Variants in HHAT observed in about 807,000 individuals in gnomAD.
HHAT encodes the protein hedgehog acyltransferase.
A neutral mutation model predicts 70.8 loss-of-function variants in HHAT; 47 were observed. The observed-to-expected ratio is 0.66, with a 90% CI of 0.53 to 0.85. The LOEUF (loss-of-function observed/expected upper bound fraction) is 0.85, where lower values mean the gene tolerates loss of function less well. Ranked by LOEUF, HHAT falls within the 40% of genes least tolerant of loss-of-function variation. The pLI is 0.00. For missense variants in HHAT, 609 were observed against 604.8 expected (o/e 1.01, Z -0.07); for synonymous variants, 228 against 247.6 (o/e 0.92, Z 0.74).
intron 11 of HHAT, among the ~76,000 whole-genome samples, chr1:210,659,612 C>T (rs556041164): frequency 6.6e-6 from 1 of 152,078 alleles, no homozygotes; most frequent in African/African-American, 2.4e-5. Context: ...AGAGACACAA[C>T]AAAAAAAGAG....
chr1:210,508,433 A>G (rs1281010970), intron 8 of HHAT, among the ~76,000 whole-genome samples: 1 of 152,218 alleles, frequency 6.6e-6, no homozygotes, highest in Non-Finnish European at 1.5e-5. Flanking sequence ...TTATTAAGTA[A>G]TGATGAAATA....
rs529959086 is a variant in HHAT, at chr1:210,627,098, A to C, written c.1390+3428A>C. ...AGGGAAAGGTGGCCCTTCCCTCTGCACCTTGATGGGTTGGGACCTGCTGCA... is the reference window on the plus strand; with the variant it reads ...AGGGAAAGGTGGCCCTTCCCTCTGCCCCTTGATGGGTTGGGACCTGCTGCA... On this transcript the variant is annotated intron_variant, in intron 11 of 11. Coordinates refer to ENST00000261458, the MANE Select transcript of HHAT (RefSeq NM_018194.6). 3.9e-5 allele frequency among the ~76,000 whole-genome samples: 6 copies of C among 152,264 alleles called. No homozygotes were observed. In the South Asian group the frequency reaches 1.0e-3, roughly 26 times the overall value.
At position 210,674,317 on chromosome 1, in the gene HHAT, G is replaced by A; in HGVS notation, c.1420G>A (p.Gly474Arg). The A allele has an allele frequency of 6.2e-7, 1 of 1,614,142 alleles. No homozygotes were observed. The highest frequency in any genetic ancestry group is 8.5e-7 in the Non-Finnish European group (1 of 1,180,032). ...GCCTTGGGTGACCCTCTCTGTCCTG[G>A]GATTCCTGTACTGCTACTCCCACGT... Reference protein sequence around the residue: ...GWPWVTLSVLGFLYCYSHVGI... With the variant: ...GWPWVTLSVLRFLYCYSHVGI... The change falls in exon 12 of 12, where the codon GGA becomes AGA. Residue 474 changes from glycine (G) to arginine (R), a missense_variant. Transcript: ENST00000261458.
intron 10 of HHAT, among the ~76,000 whole-genome samples, chr1:210,601,826 T>C (rs2148821158): frequency 6.6e-6 from 1 of 152,166 alleles, no homozygotes; most frequent in South Asian, 2.1e-4. Context: ...CATAATAAAA[T>C]ACTGATTGAC....
intron 7 of HHAT, among the ~76,000 whole-genome samples, chr1:210,449,775 A>C (rs2093710670): frequency 6.6e-6 from 1 of 152,202 alleles, no homozygotes; most frequent in Admixed American, 6.5e-5. Flanking sequence ...AACTGTGATC[A>C]TTGAAAAAGT....
At chr1:210,476,473 T>C (rs930507656) in intron 8 of HHAT, among the ~76,000 whole-genome samples, 1 of 152,220 alleles carries the variant, frequency 6.6e-6, no homozygotes, top group African/African-American at 2.4e-5. Flanking sequence ...TCCAACCTTC[T>C]ATTAGAAATT....
At chr1:210,360,846 C>CTTT (rs3036585) in intron 2 of HHAT, among the ~76,000 whole-genome samples, 23,534 of 123,954 alleles carry the variant, frequency 0.19, 2,821 homozygotes, top group African/African-American at 0.29. Flanking sequence ...ATTAACTTCA[C>CTTT]TTTTTTTTTT....
At chr1:210,670,937 A>C (rs146959999) in intron 11 of HHAT, among the ~76,000 whole-genome samples, 3 of 152,270 alleles carry the variant, frequency 2.0e-5, no homozygotes, top group African/African-American at 7.2e-5. Context: ...TAAGTCTCCT[A>C]AGTGCTATCT....
At chr1:210,474,680 C>G (rs2094272429) in intron 8 of HHAT, among the ~76,000 whole-genome samples, 1 of 152,090 alleles carries the variant, frequency 6.6e-6, no homozygotes, top group African/African-American at 2.4e-5. Flanking sequence ...TTGAAAGACT[C>G]AGCATTAGAA....
At chr1:210,570,860 A>C (rs1656110624) in intron 9 of HHAT, among the ~76,000 whole-genome samples, 1 of 152,142 alleles carries the variant, frequency 6.6e-6, no homozygotes, top group African/African-American at 2.4e-5. Context: ...GTGAACTCTG[A>C]AGAGTAGCTT....
chr1:210,393,745 C>T (rs2148169174), intron 4 of HHAT, among the ~76,000 whole-genome samples: 1 of 152,278 alleles, frequency 6.6e-6, no homozygotes, highest in East Asian at 1.9e-4. Context: ...GCAGAGTGAG[C>T]ACTGAGTCAT....
intron 9 of HHAT, among the ~76,000 whole-genome samples, chr1:210,572,272 C>A (rs1485476642): frequency 6.6e-6 from 1 of 152,078 alleles, no homozygotes; most frequent in African/African-American, 2.4e-5. Flanking sequence ...GATTTCAGTC[C>A]GGAGAGGGAG....
At chr1:210,602,766 T>G (rs1664572415) in intron 10 of HHAT, among the ~76,000 whole-genome samples, 1 of 152,156 alleles carries the variant, frequency 6.6e-6, no homozygotes, top group African/African-American at 2.4e-5. Flanking sequence ...GGTGTGTTCC[T>G]TGGTGGATTA....
chr1:210,651,056 G>A (rs754440916), intron 11 of HHAT, among the ~76,000 whole-genome samples: 4 of 152,214 alleles, frequency 2.6e-5, no homozygotes, highest in Non-Finnish European at 4.4e-5. Flanking sequence ...GCTCAGAATG[G>A]AGCCTGGAGT....
At chr1:210,656,775 G>A (rs1278140896) in intron 11 of HHAT, among the ~76,000 whole-genome samples, 1 of 152,156 alleles carries the variant, frequency 6.6e-6, no homozygotes, top group East Asian at 1.9e-4. Context: ...AGCAGAGAGG[G>A]CCCCCAGACT....
Position 210,496,026 on chromosome 1 carries a change from A to G in HHAT, c.1008-17127A>G, listed in dbSNP as rs541355660. ...ACTCTATCTCAAAAAAAAAAAAAAA[A>G]AAAAGAAAAAGAAAATGGAGTAGAA... is the stretch of plus-strand genomic sequence containing the variant. On this transcript the variant is annotated intron_variant, in intron 8 of 11. Transcript: ENST00000261458. Among the ~76,000 whole-genome samples the G allele has an allele frequency of 3.8e-3, 556 of 146,802 alleles. 3 individuals are homozygous for G. Among genetic ancestry groups the G allele is most frequent in the Non-Finnish European group, 6.9e-3 (455 of 65,748 alleles).
intron 10 of HHAT, among the ~76,000 whole-genome samples, chr1:210,606,060 G>A (rs865831319): frequency 1.3e-5 from 2 of 152,006 alleles, no homozygotes; most frequent in Admixed American, 6.6e-5. Context: ...ATTTCACTAT[G>A]TTGGCCAGGC....
chr1:210,601,310 G>A (rs114281069), intron 10 of HHAT, among the ~76,000 whole-genome samples: 2,078 of 152,252 alleles, frequency 0.014, 16 homozygotes, highest in Middle Eastern at 0.048. Flanking sequence ...TACATATCTA[G>A]TTGGCCTGAT....
At chr1:210,666,189 T>G (rs1471193180) in intron 11 of HHAT, among the ~76,000 whole-genome samples, 4 of 152,220 alleles carry the variant, frequency 2.6e-5, no homozygotes, top group Admixed American at 6.5e-5. Flanking sequence ...CAAGTGAGCC[T>G]CTGATGGGGT....
Sources: gnomAD v4.1 joint callset for allele counts (sites outside exome capture counted in the v4.1 genomes callset) on GRCh38, gnomAD v4.1.1 for gene constraint, MANE v1.5 for transcripts, NCBI Gene and HGNC (gene_info 2026-07-23, HGNC 2026-07-21) for gene names.